The following ROBO2 variants were observed in gnomAD, a reference collection of about 807,000 sequenced individuals.
The protein encoded by ROBO2 is roundabout homolog 2.
Under a neutral mutation model 160.8 loss-of-function variants are expected in ROBO2, and 53 were observed. The ratio of observed to expected loss-of-function variants is 0.33; its 90% CI spans 0.26 to 0.41. The LOEUF (loss-of-function observed/expected upper bound fraction) is 0.41, where lower values mean the gene tolerates loss of function less well. Ranked by LOEUF, ROBO2 falls within the 10% of genes least tolerant of loss-of-function variation. ROBO2 has a pLI of 1.00. For missense variants in ROBO2, 1,577 were observed against 1,722.4 expected (o/e 0.92, Z 1.49); for synonymous variants, 664 against 611.7 (o/e 1.09, Z -1.26).
At chr3:76,800,760 A>C (rs1179705434) in intron 2 of ROBO2, among the ~76,000 whole-genome samples, 1 of 152,202 alleles carries the variant, frequency 6.6e-6, no homozygotes, top group Non-Finnish European at 1.5e-5. Context: ...GGTAGCTCTC[A>C]TACACTCTTG....
At chr3:77,486,611 T>C (rs2085385670) in intron 4 of ROBO2, among the ~76,000 whole-genome samples, 1 of 152,040 alleles carries the variant, frequency 6.6e-6, no homozygotes, top group African/African-American at 2.4e-5. Flanking sequence ...TTTAATGGGG[T>C]TGTTTGTTTT....
At chr3:77,055,572 G>A (rs1578574899) in intron 1 of ROBO2, among the ~76,000 whole-genome samples, 1 of 152,192 alleles carries the variant, frequency 6.6e-6, no homozygotes, top group East Asian at 1.9e-4. Flanking sequence ...TTCCATGTGA[G>A]GGTTATAAAG....
chr3:77,483,856 G>C (rs1253661955), intron 4 of ROBO2, among the ~76,000 whole-genome samples: 1 of 150,536 alleles, frequency 6.6e-6, no homozygotes, highest in Non-Finnish European at 1.5e-5. Context: ...ACAATGAAAG[G>C]AATAAAGGGT....
At chr3:77,452,931 G>A (rs1331634805) in intron 2 of ROBO2, among the ~76,000 whole-genome samples, 1 of 151,548 alleles carries the variant, frequency 6.6e-6, no homozygotes, top group African/African-American at 2.4e-5. Flanking sequence ...TCCTTAAAAT[G>A]GGTATTTCTC....
At chr3:76,454,713 A>G (rs1291128724) in intron 2 of ROBO2, among the ~76,000 whole-genome samples, 1 of 152,174 alleles carries the variant, frequency 6.6e-6, no homozygotes, top group Non-Finnish European at 1.5e-5. Flanking sequence ...CAGGAAGCAC[A>G]TATTAAATAA....
At chr3:76,584,001 G>C (rs755283671) in intron 2 of ROBO2, among the ~76,000 whole-genome samples, 1 of 152,044 alleles carries the variant, frequency 6.6e-6, no homozygotes, top group African/African-American at 2.4e-5. Context: ...CTTCATCTGG[G>C]ATAGCGCTTG....
chr3:76,995,748 T>C lies in ROBO2; in HGVS notation c.110-102266T>C, dbSNP rs575497446. Among the ~76,000 whole-genome samples, 321 of 152,354 alleles carry C rather than the reference T, an allele frequency of 2.1e-3. 1 individual carries two copies. The highest frequency in any genetic ancestry group is 7.4e-3 in the African/African-American group (307 of 41,578). On this transcript the variant is annotated intron_variant, in intron 2 of 26. Coordinates refer to the ROBO2 transcript ENST00000487694. ...GTGTCTTTTGGCTGCATAAATGTCT[T>C]CTTTTGAGAAGTGTCTGTTCATATC...
chr3:75,990,939 G>A (rs1269386280), intron 2 of ROBO2, among the ~76,000 whole-genome samples: 2 of 152,070 alleles, frequency 1.3e-5, no homozygotes, highest in East Asian at 3.9e-4. Context: ...ATCCACTGAG[G>A]TCCTAAATAG....
At chr3:76,980,970 T>C (rs896000920) in intron 2 of ROBO2, among the ~76,000 whole-genome samples, 3 of 152,216 alleles carry the variant, frequency 2.0e-5, no homozygotes, top group Admixed American at 2.0e-4. Context: ...TTCTTTCACT[T>C]AGCATAATGT....
At chr3:76,368,001 T>G (rs939960485) in intron 2 of ROBO2, among the ~76,000 whole-genome samples, 1 of 151,918 alleles carries the variant, frequency 6.6e-6, no homozygotes, top group African/African-American at 2.4e-5. Context: ...TTTTCTTTGG[T>G]GTCAAACCTA....
chr3:76,566,206 A>T (rs539225451), intron 2 of ROBO2, among the ~76,000 whole-genome samples: 135 of 152,334 alleles, frequency 8.9e-4, no homozygotes, highest in African/African-American at 3.2e-3. Context: ...ATGAGGTCTG[A>T]CGTGCTACAG....
At chr3:77,186,493 A>G (rs916454208) in intron 2 of ROBO2, among the ~76,000 whole-genome samples, 1 of 151,956 alleles carries the variant, frequency 6.6e-6, no homozygotes, top group Non-Finnish European at 1.5e-5. Context: ...TGAGGAATTG[A>G]AGTAATAATA....
chr3:76,440,214 A>G (rs952878854), intron 2 of ROBO2, among the ~76,000 whole-genome samples: 1 of 152,144 alleles, frequency 6.6e-6, no homozygotes, highest in Non-Finnish European at 1.5e-5. Context: ...ATCAAGTCCC[A>G]AGCAAGAATT....
At chr3:76,777,793 A>C (rs1329339442) in intron 2 of ROBO2, among the ~76,000 whole-genome samples, 1 of 151,072 alleles carries the variant, frequency 6.6e-6, no homozygotes, top group East Asian at 2.0e-4. Context: ...GTCTGGAGAA[A>C]AGATCAACTA....
exon 6 of ROBO2, chr3:77,522,825 C>A (rs768858600): frequency 5.0e-6 from 8 of 1,609,472 alleles, no homozygotes; most frequent in Non-Finnish European, 6.8e-6. Flanking sequence ...ACCATGAGTA[C>A]AGATGAAGGC....
chr3:76,203,414 C>T (rs529200495), intron 2 of ROBO2, among the ~76,000 whole-genome samples: 84 of 151,600 alleles, frequency 5.5e-4, no homozygotes, highest in Non-Finnish European at 4.0e-4. Flanking sequence ...CTCAGGCTCT[C>T]GGCTTCCCCC....
intron 2 of ROBO2, among the ~76,000 whole-genome samples, chr3:77,252,831 A>AAAAAAAAAATATATAT: frequency 8.0e-5 from 1 of 12,522 alleles, no homozygotes; most frequent in African/African-American, 1.6e-4. Flanking sequence ...AAAAAAAAAA[A>AAAAAAAAAATATATAT]ATATATATAT....
At chr3:77,475,637 G>A (rs1228201262) in intron 2 of ROBO2, among the ~76,000 whole-genome samples, 1 of 152,082 alleles carries the variant, frequency 6.6e-6, no homozygotes, top group African/African-American at 2.4e-5. Context: ...GATATTGTAG[G>A]GGTGCTCATC....
chr3:76,402,750 G>A (rs2077909166), intron 2 of ROBO2, among the ~76,000 whole-genome samples: 1 of 151,512 alleles, frequency 6.6e-6, no homozygotes, highest in African/African-American at 2.4e-5. Context: ...CAACTAGAAA[G>A]CCAGCAACTG....
Sources: gnomAD v4.1 joint callset for allele counts (sites outside exome capture counted in the v4.1 genomes callset) on GRCh38, gnomAD v4.1.1 for gene constraint, MANE v1.5 for transcripts, NCBI Gene and HGNC (gene_info 2026-07-23, HGNC 2026-07-21) for gene names.